RSPH6A: variants seen among roughly 807,000 people sequenced by gnomAD.
RSPH6A encodes the protein radial spoke head protein 6 homolog A.
In RSPH6A, 49 loss-of-function variants were observed where a neutral mutation model predicts 66.1. The ratio of observed to expected loss-of-function variants is 0.74; its 90% CI spans 0.59 to 0.94. The LOEUF (loss-of-function observed/expected upper bound fraction) is 0.94, where lower values mean the gene tolerates loss of function less well. Among genes scored for constraint, RSPH6A ranks in the 40% least tolerant of loss-of-function variants. The probability of loss-of-function intolerance (pLI) is 0.00; values close to 1 mark genes in which losing one functional copy is unlikely to be tolerated. For missense variants in RSPH6A, 977 were observed against 948.3 expected, an observed-to-expected ratio of 1.03 and a Z score of -0.40; for synonymous variants, 419 against 402.4, an observed-to-expected ratio of 1.04 and a Z score of -0.49.
chr19:45,810,566 G>T, intron 2 of RSPH6A, 37 bp downstream of exon 2: 1 of 1,591,032 alleles, frequency 6.3e-7, no homozygotes, highest in South Asian at 1.1e-5. Flanking sequence ...GGCCCCCACT[G>T]ACCCTGATGC....
At chr19:45,806,759 G>T (rs183551590) in intron 2 of RSPH6A, among the ~76,000 whole-genome samples, 171 of 145,888 alleles carry the variant, frequency 1.2e-3, no homozygotes, top group African/African-American at 4.0e-3. Context: ...GAAGTGTAAT[G>T]TACATCTGCA....
chr19:45,807,514 C>G (rs1453790948), intron 2 of RSPH6A, among the ~76,000 whole-genome samples: 2 of 143,596 alleles, frequency 1.4e-5, no homozygotes, highest in Admixed American at 7.1e-5. Context: ...TGCGCCCGGC[C>G]CATTACTATT....
intron 5 of RSPH6A, among the ~76,000 whole-genome samples, chr19:45,798,353 C>T (rs114747955): frequency 0.016 from 2,462 of 150,124 alleles, 50 homozygotes; most frequent in East Asian, 0.06. Flanking sequence ...AATAAGACTC[C>T]ATCTCAAAAA....
intron 4 of RSPH6A, among the ~76,000 whole-genome samples, chr19:45,801,362 C>T (rs933257856): frequency 1.3e-5 from 2 of 152,206 alleles, no homozygotes; most frequent in Non-Finnish European, 2.9e-5. Context: ...CAGGATCTGG[C>T]TTCAAATCCA....
At chr19:45,810,462 A>C (rs1970608853) in intron 2 of RSPH6A, 141 bp downstream of exon 2, 6 of 819,134 alleles carry the variant, frequency 7.3e-6, no homozygotes, top group Non-Finnish European at 1.2e-5. Flanking sequence ...AAGCCACCCC[A>C]TCCTGCCAAG....
rs753249411 is a variant in RSPH6A, at chr19:45,804,672, C to T, written c.1233G>A (p.Pro411=). The change falls in exon 3 of 6, where the codon CCG becomes CCA. Residue 411 remains proline (P), a synonymous_variant. Coordinates refer to ENST00000221538, the MANE Select transcript of RSPH6A (RefSeq NM_030785.4). The surrounding 1 kb of genome is among the most constrained non-coding windows in gnomAD (Gnocchi z 5.8). ...DIVPKSVWKP[P]PVIPKEESRS... ...GGCTCTCCTCCTTGGGGATCACGGG[C>T]GGCGGCTTCCATACGGACTTAGGGA... 12 of 1,613,886 alleles carry T rather than the reference C, an allele frequency of 7.4e-6. No homozygotes were observed. Among genetic ancestry groups the T allele is most frequent in the East Asian group, 2.2e-5 (1 of 44,888 alleles).
intron 1 of RSPH6A, among the ~76,000 whole-genome samples, chr19:45,813,599 C>T (rs1970658317): frequency 6.6e-6 from 1 of 152,196 alleles, no homozygotes; most frequent in Non-Finnish European, 1.5e-5. Context: ...CCCGTCTTGG[C>T]CTCCTCAAGT....
intron 1 of RSPH6A, 97 bp downstream of exon 1, chr19:45,814,430 G>A: frequency 2.6e-6 from 3 of 1,146,260 alleles, no homozygotes; most frequent in Non-Finnish European, 3.6e-6. Flanking sequence ...TTTTCCATGA[G>A]GGATGATCCC....
At chr19:45,800,694 C>T (rs1180807677) in intron 4 of RSPH6A, 131 bp from the exon 5 acceptor site, 12 of 636,184 alleles carry the variant, frequency 1.9e-5, no homozygotes, top group Non-Finnish European at 3.2e-5. Context: ...TAGCCACCAA[C>T]AGCTCGGGCT....
chr19:45,811,789 T>TATC (rs1970633711), intron 1 of RSPH6A, among the ~76,000 whole-genome samples: 1 of 134,036 alleles, frequency 7.5e-6, no homozygotes, highest in South Asian at 2.4e-4. Flanking sequence ...TTATTATTAT[T>TATC]AGAGACAGAG....
intron 1 of RSPH6A, 88 bp downstream of exon 1, chr19:45,814,439 C>G: frequency 8.1e-7 from 1 of 1,240,440 alleles, no homozygotes. Flanking sequence ...AGGGATGATC[C>G]CTTGTCTGAC....
chr19:45,808,283 C>A (rs1054740826), intron 2 of RSPH6A, among the ~76,000 whole-genome samples: 1 of 152,168 alleles, frequency 6.6e-6, no homozygotes, highest in Non-Finnish European at 1.5e-5. Context: ...AACAAATTAG[C>A]CAGGCGTGGT....
chr19:45,801,773 T>C (rs10408127), intron 4 of RSPH6A, among the ~76,000 whole-genome samples: 9,911 of 149,318 alleles, frequency 0.066, 424 homozygotes, highest in African/African-American at 0.11. Flanking sequence ...ACAACAACAA[T>C]GACAACAACA....
intron 5 of RSPH6A, among the ~76,000 whole-genome samples, chr19:45,797,440 G>A (rs1195032268): frequency 6.6e-6 from 1 of 151,446 alleles, no homozygotes; most frequent in East Asian, 1.9e-4. Context: ...TTATATATGT[G>A]GCTCATATTT....
At position 45,814,874 on chromosome 19, in the gene RSPH6A, C is replaced by G. The variant is rs1274469220; in HGVS notation, c.303G>C (p.Gln101His). Residue 101 changes from glutamine to histidine, a missense_variant, in exon 1 of 6, where the codon CAG becomes CAC. Coordinates refer to ENST00000221538, the MANE Select transcript of RSPH6A (RefSeq NM_030785.4). The part of the protein sequence containing the change: ...NTGFPSEFQP[Q>H]PYSDESRMQV... ...GCATCCTGCTTTCATCAGAGTAAGG[C>G]TGAGGCTGGAACTCTGAGGGAAAGC... The G allele has an allele frequency of 1.9e-6, 3 of 1,614,082 alleles. No individual in the cohort carries two copies. Among genetic ancestry groups the G allele is most frequent in the Admixed American group, 1.7e-5 (1 of 60,020 alleles).
intron 1 of RSPH6A, among the ~76,000 whole-genome samples, chr19:45,813,984 T>A (rs925641720): frequency 9.2e-5 from 14 of 151,964 alleles, no homozygotes; most frequent in African/African-American, 3.1e-4. Flanking sequence ...CATGGTGAAA[T>A]CTTGCCTCTA....
rs763416281 is a variant in RSPH6A, at chr19:45,815,181, C to T, written c.-5G>A. On this transcript the variant is annotated 5_prime_UTR_variant, in exon 1 of 6. Coordinates refer to ENST00000221538, the MANE Select transcript of RSPH6A (RefSeq NM_030785.4). ...GTAGGGCGGCAGGTCTCCCATGGTT[C>T]GCCAGGAGGCACAGATCTCTAGGAG... The T allele has an allele frequency of 2.5e-6, 4 of 1,590,760 alleles. No homozygotes were observed. Among genetic ancestry groups the T allele is most frequent in the Non-Finnish European group, 3.4e-6 (4 of 1,172,624 alleles).
Position 45,814,685 on chromosome 19 carries a change from C to A in RSPH6A, c.492G>T (p.Gly164=). The change falls in exon 1 of 6, where the codon GGG becomes GGT. Residue 164 remains glycine (G), a synonymous_variant. Coordinates refer to ENST00000221538, the MANE Select transcript of RSPH6A (RefSeq NM_030785.4). ...GGGCAGGGTCATCCCTTATGTAAGG[C>A]CCGTGCTGGGCACCTTCAGAGAACT... ...TDQFSEGAQH[G]PYIRDDPALQ... 6.2e-7 allele frequency: 1 copy of A among 1,612,032 alleles called. No individual in the cohort carries two copies. The highest frequency in any genetic ancestry group is 8.5e-7 in the Non-Finnish European group (1 of 1,178,920).
chr19:45,797,861 C>T (rs902183730), intron 5 of RSPH6A, among the ~76,000 whole-genome samples: 1 of 151,812 alleles, frequency 6.6e-6, no homozygotes, highest in Non-Finnish European at 1.5e-5. Context: ...CAGCGAGACT[C>T]CATTTCAAAA....
Sources: allele counts gnomAD v4.1 joint callset (sites outside exome capture counted in the v4.1 genomes callset), GRCh38; gene constraint gnomAD v4.1.1; non-coding constraint Gnocchi (gnomAD v3.1); transcripts MANE v1.5; gene names NCBI Gene and HGNC (gene_info 2026-07-23, HGNC 2026-07-21).